USP34: variants seen among roughly 807,000 people sequenced by gnomAD.
USP34 encodes the protein ubiquitin specific peptidase 34, also known as ubiquitin carboxyl-terminal hydrolase 34.
In USP34, 70 loss-of-function variants were observed where a neutral mutation model predicts 460.3. That is an observed-to-expected ratio of 0.15 (90% CI 0.13 to 0.19). USP34 has a LOEUF of 0.19. Among genes scored for constraint, USP34 ranks in the 10% least tolerant of loss-of-function variants. The probability of loss-of-function intolerance (pLI) is 1.00; values close to 1 mark genes in which losing one functional copy is unlikely to be tolerated. For synonymous variants in USP34, 1,647 were observed against 1,405.3 expected (o/e 1.17, Z -3.85); for missense variants, 3,985 against 4,236.2 (o/e 0.94, Z 1.65).
intron 48 of USP34, among the ~76,000 whole-genome samples, chr2:61,254,001 C>T (rs900215589): frequency 5.3e-5 from 8 of 152,242 alleles, no homozygotes; most frequent in African/African-American, 1.9e-4. Context: ...TCCCAAAGTA[C>T]TGGGATTACA....
chr2:61,402,360 T>G (rs1239294345), intron 3 of USP34, among the ~76,000 whole-genome samples: 1 of 152,104 alleles, frequency 6.6e-6, no homozygotes, highest in Non-Finnish European at 1.5e-5. Flanking sequence ...TACCGAACCT[T>G]TTAAAATATC....
chr2:61,275,274 G>C (rs541923208), intron 41 of USP34, among the ~76,000 whole-genome samples: 1 of 152,080 alleles, frequency 6.6e-6, no homozygotes, highest in African/African-American at 2.4e-5. Context: ...GCCAGACCCC[G>C]TCTCAAAGAT....
intron 41 of USP34, among the ~76,000 whole-genome samples, chr2:61,275,025 C>T (rs973085576): frequency 6.6e-6 from 1 of 152,142 alleles, no homozygotes; most frequent in African/African-American, 2.4e-5. Context: ...GCCTGTAATC[C>T]TGGCACATTA....
chr2:61,412,903 A>G (rs1252642661), intron 2 of USP34, among the ~76,000 whole-genome samples: 11 of 151,650 alleles, frequency 7.3e-5, no homozygotes, highest in African/African-American at 1.7e-4. Context: ...AAAAAAAAAA[A>G]AGAGAGAATA....
chr2:61,339,996 G>T (rs963703983), intron 16 of USP34, among the ~76,000 whole-genome samples: 1 of 152,092 alleles, frequency 6.6e-6, no homozygotes, highest in African/African-American at 2.4e-5. Flanking sequence ...GAGGAGAGAA[G>T]AATAGTGCCA....
intron 75 of USP34, chr2:61,193,389 A>AAAAAAAAAAAAG (rs397984741): frequency 6.7e-6 from 1 of 148,880 alleles, no homozygotes; most frequent in African/African-American, 2.5e-5. Context: ...AAAAAAAAAA[A>AAAAAAAAAAAAG]GTGGAGAATT....
intron 34 of USP34, among the ~76,000 whole-genome samples, chr2:61,285,173 A>G (rs1689650314): frequency 6.6e-6 from 1 of 152,194 alleles, no homozygotes; most frequent in African/African-American, 2.4e-5. Context: ...CCAGAATTTT[A>G]TAATCACACT....
At chr2:61,284,776 C>T (rs952419619) in intron 35 of USP34, 99 bp downstream of exon 35, 4 of 931,616 alleles carry the variant, frequency 4.3e-6, no homozygotes, top group African/African-American at 1.7e-5. Flanking sequence ...TAATATCCCC[C>T]AAATTTTTCT....
chr2:61,451,267 C>A, intron 1 of USP34, among the ~76,000 whole-genome samples: 1 of 141,288 alleles, frequency 7.1e-6, no homozygotes, highest in African/African-American at 2.7e-5. Context: ...CTTTTCACAA[C>A]CTATTTGGTT....
At chr2:61,213,875 C>T (rs1687333493) in intron 68 of USP34, among the ~76,000 whole-genome samples, 185 bp downstream of exon 68, 1 of 152,166 alleles carries the variant, frequency 6.6e-6, no homozygotes. Context: ...AAGTTATCTA[C>T]ACAGTTATCA....
At chr2:61,379,903 ATAGTT>A (rs1692922999) in intron 7 of USP34, among the ~76,000 whole-genome samples, 1 of 152,246 alleles carries the variant, frequency 6.6e-6, no homozygotes, top group South Asian at 2.1e-4. Context: ...AAAAACCTAA[ATAGTT>A]TAAAAAGACA....
chr2:61,193,088 T>G, intron 75 of USP34, 108 bp from the exon 76 acceptor site: 3 of 825,104 alleles, frequency 3.6e-6, no homozygotes, highest in Non-Finnish European at 5.7e-6. Context: ...TAACTGCATA[T>G]TTTCTATATT....
At chr2:61,259,891 T>C in intron 43 of USP34, 115 bp from the exon 44 acceptor site, 1 of 884,162 alleles carries the variant, frequency 1.1e-6, no homozygotes, top group Non-Finnish European at 1.7e-6. Flanking sequence ...CTTTTGGCTA[T>C]ATAAAAGAAA....
At chr2:61,353,504 G>A (rs1255378950) in intron 10 of USP34, among the ~76,000 whole-genome samples, 2 of 150,926 alleles carry the variant, frequency 1.3e-5, no homozygotes, top group East Asian at 1.9e-4. Context: ...TGATTCTCAT[G>A]CCTCAGCCTC....
intron 23 of USP34, among the ~76,000 whole-genome samples, chr2:61,315,185 G>GT (rs1048634501): frequency 2.6e-5 from 4 of 152,260 alleles, no homozygotes; most frequent in Non-Finnish European, 5.9e-5. Context: ...ATATATACAT[G>GT]TTTAACTCAC....
chr2:61,277,197 T>C (rs1017594195), intron 41 of USP34, among the ~76,000 whole-genome samples: 2 of 151,846 alleles, frequency 1.3e-5, no homozygotes, highest in Non-Finnish European at 2.9e-5. Context: ...ATTCAAAATA[T>C]ACAATTCTAT....
intron 10 of USP34, among the ~76,000 whole-genome samples, chr2:61,357,308 G>A (rs1204876530): frequency 2.6e-5 from 4 of 152,140 alleles, no homozygotes; most frequent in Non-Finnish European, 4.4e-5. Flanking sequence ...GCACAAATAT[G>A]TAGAAATTAA....
At chr2:61,443,669 TG>T (rs895145000) in intron 1 of USP34, among the ~76,000 whole-genome samples, 8 of 152,056 alleles carry the variant, frequency 5.3e-5, no homozygotes, top group Non-Finnish European at 1.2e-4. Context: ...CAGTGATTAG[TG>T]GGGAGGAAGG....
intron 33 of USP34, among the ~76,000 whole-genome samples, chr2:61,293,058 C>T (rs1044974536): frequency 1.3e-5 from 2 of 151,882 alleles, no homozygotes; most frequent in East Asian, 3.8e-4. Context: ...TCAACATGGT[C>T]TGGAAACACG....
Sources: allele counts gnomAD v4.1 joint callset (sites outside exome capture counted in the v4.1 genomes callset), GRCh38; gene constraint gnomAD v4.1.1; transcripts MANE v1.5; gene names NCBI Gene and HGNC (gene_info 2026-07-23, HGNC 2026-07-21).